ATPAF1: variants seen among roughly 807,000 people sequenced by gnomAD.
ATPAF1 encodes homolog of yeast ATP11.
In ATPAF1, 26 loss-of-function variants were observed where a neutral mutation model predicts 43.9. That is an observed-to-expected ratio of 0.59 (90% CI 0.43 to 0.82). The LOEUF is 0.82. ATPAF1 is among the 40% of genes least tolerant of loss of function. The pLI is 0.00. For missense variants in ATPAF1, 366 were observed against 435.0 expected (o/e 0.84, Z 1.41); for synonymous variants, 157 against 168.0 (o/e 0.93, Z 0.50).
chr1:46,650,412 A>G (rs1369708452), intron 6 of ATPAF1, among the ~76,000 whole-genome samples: 2 of 152,002 alleles, frequency 1.3e-5, no homozygotes, highest in African/African-American at 4.8e-5. Flanking sequence ...GAACTTTTGT[A>G]TAATATTGGT....
exon 2 of ATPAF1, chr1:46,665,341 G>T (rs758883524): frequency 6.8e-6 from 11 of 1,614,090 alleles, no homozygotes; most frequent in African/African-American, 1.3e-5. Context: ...CTCCAGGCGG[G>T]ACTCAAAAGC....
At chr1:46,641,680 T>C (rs535000980) in intron 8 of ATPAF1, among the ~76,000 whole-genome samples, 2 of 152,312 alleles carry the variant, frequency 1.3e-5, no homozygotes, top group South Asian at 4.1e-4. Context: ...ACAAGGGAGA[T>C]TTGGTGAGTT....
At chr1:46,662,185 C>T (rs761587309) in intron 2 of ATPAF1, among the ~76,000 whole-genome samples, 63 of 152,294 alleles carry the variant, frequency 4.1e-4, no homozygotes, top group Non-Finnish European at 4.4e-4. Flanking sequence ...TGAGCCACCA[C>T]GCCCGGCCTC....
chr1:46,665,871 C>T, intron 1 of ATPAF1: 1 of 1,408,610 alleles, frequency 7.1e-7, no homozygotes, highest in Non-Finnish European at 9.2e-7. Context: ...TCTCCCTAAC[C>T]TACCCTCCAA....
In ATPAF1 at chr1:46,668,013, C is replaced by T. The variant is rs538119922; in HGVS notation, c.266+44G>A. 162 of 1,330,040 alleles carry T rather than the reference C, an allele frequency of 1.2e-4. 1 individual carries two copies. In the African/African-American group the frequency reaches 2.2e-3, roughly 18 times the overall value. The allele number at this position is 1,330,040 out of a possible 1,614,324, so 82.4% of individuals were successfully genotyped here. A position where few individuals can be genotyped will look rare whatever the true frequency, so the allele number is the denominator to read the frequency against. The stretch of plus-strand genomic sequence containing the variant: ...TAAGGCCCAGCAGCCCGGGCCGCCC[C>T]TCCTCCCGCCTCCTGCCCGCCTCCA... On this transcript the variant is annotated intron_variant, in intron 1 of 8. Transcript: ENST00000574428. This position sits in a 1 kb window ranked among gnomAD's most constrained non-coding sequence, Gnocchi z 4.4.
upstream of ATPAF1, chr1:46,668,455 C>A (rs1676535582): frequency 1.9e-6 from 2 of 1,048,150 alleles, no homozygotes; most frequent in Non-Finnish European, 2.3e-6. This position sits in a 1 kb window ranked among gnomAD's most constrained non-coding sequence, Gnocchi z 4.4. Flanking sequence ...AGGTTCCGGG[C>A]GCGGGATAGC....
exon 9 of ATPAF1, chr1:46,635,923 G>A (rs751465691): frequency 1.4e-5 from 23 of 1,614,124 alleles, no homozygotes; most frequent in Admixed American, 8.3e-5. Context: ...GATCAGTAGC[G>A]TAGAAGAGCT....
exon 9 of ATPAF1, chr1:46,635,587 G>A: frequency 1.7e-6 from 1 of 577,856 alleles, no homozygotes; most frequent in Non-Finnish European, 3.0e-6. Context: ...TTATCAGAAT[G>A]TTCAGGTACC....
chr1:46,648,831 T>G (rs938684072), intron 6 of ATPAF1, among the ~76,000 whole-genome samples: 3 of 151,958 alleles, frequency 2.0e-5, no homozygotes, highest in Admixed American at 2.0e-4. Context: ...ACATAAAAAT[T>G]AGCTGGGTGT....
At position 46,668,359 on chromosome 1, in the gene ATPAF1, G is replaced by A. The variant is rs762350057; in HGVS notation, c.-37C>T. 456 of 1,293,882 alleles carry A rather than the reference G, an allele frequency of 3.5e-4. No homozygotes were observed. The highest frequency in any genetic ancestry group is 4.3e-4 in the Non-Finnish European group (441 of 1,019,804). The allele number at this position is 1,293,882 out of a possible 1,614,324, so 80.2% of individuals were successfully genotyped here. A position where few individuals can be genotyped will look rare whatever the true frequency, so the allele number is the denominator to read the frequency against. ...CCTCCTCCTCCTCCTCAGGCGCGTC[G>A]GCCTCGGCCCGCGGCCCGCGCGCCC... On this transcript the variant is annotated 5_prime_UTR_variant, in exon 1 of 9. Transcript: ENST00000574428. The surrounding 1 kb of genome is among the most constrained non-coding windows in gnomAD (Gnocchi z 4.4).
chr1:46,640,072 T>C (rs978069025), intron 8 of ATPAF1, among the ~76,000 whole-genome samples: 4 of 152,142 alleles, frequency 2.6e-5, no homozygotes, highest in African/African-American at 9.7e-5. Context: ...CACTTCCAAC[T>C]CCCACAACCC....
At chr1:46,663,791 T>C (rs1676440949) in intron 2 of ATPAF1, 1 of 1,125,376 alleles carries the variant, frequency 8.9e-7, no homozygotes, top group African/African-American at 1.6e-5. Flanking sequence ...CTAATTTGAC[T>C]TTAAAACACA....
At chr1:46,635,397 C>T (rs1675818670) in exon 9 of ATPAF1, 1 of 187,236 alleles carries the variant, frequency 5.3e-6, no homozygotes, top group Non-Finnish European at 1.1e-5. Flanking sequence ...GCTTATTATC[C>T]TGTCATGAGT....
At chr1:46,660,393 C>T (rs988401970) in intron 2 of ATPAF1, among the ~76,000 whole-genome samples, 1 of 152,162 alleles carries the variant, frequency 6.6e-6, no homozygotes, top group Non-Finnish European at 1.5e-5. Flanking sequence ...CCTCATGTAT[C>T]GGTTTTTACA....
chr1:46,660,316 T>C (rs1407349163), intron 2 of ATPAF1, among the ~76,000 whole-genome samples: 1 of 152,146 alleles, frequency 6.6e-6, no homozygotes, highest in Non-Finnish European at 1.5e-5. Flanking sequence ...AGGTGTACCA[T>C]GAAAACGAAA....
chr1:46,653,897 C>T lies in ATPAF1; in HGVS notation c.490-30G>A. ...ACAAAAAAGAGAGGGGTGTCTGTGA[C>T]ATGTGGGTAATCTTTTCAACATGTG... On this transcript the variant is annotated intron_variant, in intron 4 of 8. Transcript: ENST00000574428. The surrounding 1 kb of genome is among the most constrained non-coding windows in gnomAD (Gnocchi z 4.8). 1.9e-6 allele frequency: 3 copies of T among 1,603,220 alleles called. No individual in the cohort carries two copies. The highest frequency in any genetic ancestry group is 2.6e-6 in the Non-Finnish European group (3 of 1,173,074).
intron 6 of ATPAF1, among the ~76,000 whole-genome samples, chr1:46,649,278 C>T (rs1463307649): frequency 6.6e-6 from 1 of 151,788 alleles, no homozygotes; most frequent in Non-Finnish European, 1.5e-5. Flanking sequence ...GTTTTAGCAG[C>T]ATTTGTTGAA....
chr1:46,659,443 T>C (rs1370201653), intron 2 of ATPAF1, among the ~76,000 whole-genome samples: 1 of 152,114 alleles, frequency 6.6e-6, no homozygotes, highest in Non-Finnish European at 1.5e-5. Context: ...AGGTAAGAAA[T>C]GGAAAGATGT....
Position 46,636,199 on chromosome 1 carries a change from CT to C in ATPAF1, c.793-230del, listed in dbSNP as rs1047008866. On this transcript the variant is annotated intron_variant, in intron 8 of 8. Transcript: ENST00000574428. ...CACACTGTATTGTATTTTTCCTTTT[CT>C]TTTTTTGTCTATTTTCCCTAGTACA... 13 of 591,566 alleles carry C rather than the reference CT, an allele frequency of 2.2e-5. No individual in the cohort carries two copies. In the African/African-American group the frequency reaches 2.2e-4, roughly 10 times the overall value. The allele number at this position is 591,566 out of a possible 1,614,324, so 36.6% of individuals were successfully genotyped here.
Sources: allele counts gnomAD v4.1 joint callset (sites outside exome capture counted in the v4.1 genomes callset), GRCh38; gene constraint gnomAD v4.1.1; non-coding constraint Gnocchi (gnomAD v3.1); transcripts MANE v1.5; gene names NCBI Gene and HGNC (gene_info 2026-07-23, HGNC 2026-07-21).